The following CBLB variants were observed in gnomAD, a reference collection of about 807,000 sequenced individuals.
CBLB encodes the protein E3 ubiquitin-protein ligase CBL-B.
In CBLB, 31 loss-of-function variants were observed where a neutral mutation model predicts 104.9. That is an observed-to-expected ratio of 0.30 (90% CI 0.22 to 0.40). The LOEUF is 0.40. Ranked by LOEUF, CBLB falls within the 10% of genes least tolerant of loss-of-function variation. The pLI is 1.00. For synonymous variants in CBLB, 440 were observed against 422.6 expected (o/e 1.04, Z -0.51); for missense variants, 1,062 against 1,214.6 (o/e 0.87, Z 1.87).
chr3:105,790,595 G>A (rs556128927), intron 3 of CBLB, among the ~76,000 whole-genome samples: 6 of 152,254 alleles, frequency 3.9e-5, no homozygotes, highest in East Asian at 3.9e-4. Context: ...TCTGGGAGTC[G>A]ACAGTCTAGT....
chr3:105,798,752 T>G (rs1354609054), intron 3 of CBLB, among the ~76,000 whole-genome samples: 2 of 152,212 alleles, frequency 1.3e-5, no homozygotes, highest in Non-Finnish European at 2.9e-5. Flanking sequence ...CCTTTGCTGC[T>G]TATTTTGAGT....
intron 4 of CBLB, among the ~76,000 whole-genome samples, chr3:105,754,660 T>G (rs1006184523): frequency 2.0e-5 from 3 of 152,172 alleles, no homozygotes; most frequent in Non-Finnish European, 4.4e-5. Flanking sequence ...AGTTGCAGGC[T>G]GAATCGCTTT....
At chr3:105,725,849 T>C (rs1475940349) in intron 9 of CBLB, among the ~76,000 whole-genome samples, 2 of 149,836 alleles carry the variant, frequency 1.3e-5, no homozygotes, top group East Asian at 3.9e-4. Context: ...TTTTATTTTA[T>C]CTTTTTTTTT....
At chr3:105,750,094 C>A (rs2076461481) in intron 5 of CBLB, among the ~76,000 whole-genome samples, 1 of 151,710 alleles carries the variant, frequency 6.6e-6, no homozygotes, top group Non-Finnish European at 1.5e-5. Flanking sequence ...TATCAGCTCA[C>A]TGCAAGCTCT....
intron 3 of CBLB, among the ~76,000 whole-genome samples, chr3:105,842,422 A>C (rs1316595858): frequency 3.3e-5 from 5 of 152,212 alleles, no homozygotes; most frequent in Non-Finnish European, 5.9e-5. Context: ...GTGTCTGTTT[A>C]TCTCTCAAAA....
At chr3:105,771,401 A>G (rs897718714) in intron 4 of CBLB, among the ~76,000 whole-genome samples, 2 of 152,186 alleles carry the variant, frequency 1.3e-5, no homozygotes, top group African/African-American at 4.8e-5. Context: ...TAAAAGCCAT[A>G]TATGTCAAAT....
chr3:105,755,076 G>A (rs1403130495), intron 4 of CBLB, among the ~76,000 whole-genome samples: 1 of 142,580 alleles, frequency 7.0e-6, no homozygotes, highest in South Asian at 2.2e-4. Context: ...TGTGCACATT[G>A]TGCAGGTTAG....
At chr3:105,736,157 G>A (rs1044151532) in intron 8 of CBLB, among the ~76,000 whole-genome samples, 4 of 151,982 alleles carry the variant, frequency 2.6e-5, no homozygotes, top group Admixed American at 6.6e-5. Context: ...TACACAAGGC[G>A]TGAACATATC....
intron 3 of CBLB, among the ~76,000 whole-genome samples, chr3:105,804,364 C>CA (rs1182068553): frequency 3.3e-5 from 5 of 150,894 alleles, no homozygotes; most frequent in African/African-American, 1.2e-4. Flanking sequence ...ACCAAAAATA[C>CA]AAAAAAACTG....
rs9657914 is a variant in CBLB at position 105,656,288 on chromosome 3, A to G, written c.*2682T>C. ...TGTATTATATGAAATGCTGACTTAA[A>G]AAAAAATTGTTACCAAATCTTGAGA... is the stretch of plus-strand genomic sequence containing the variant. On this transcript the variant is annotated 3_prime_UTR_variant, in exon 19 of 19. Coordinates refer to ENST00000394030, the MANE Select transcript of CBLB (RefSeq NM_170662.5). 53,097 of 208,548 alleles carry G rather than the reference A, an allele frequency of 0.25. 7,013 individuals are homozygous for G. The highest frequency in any genetic ancestry group is 0.27 in the Admixed American group (4,612 of 16,854). The allele number at this position is 208,548 out of a possible 1,614,324, so 12.9% of individuals were successfully genotyped here.
chr3:105,751,720 T>C (rs2076608646), intron 4 of CBLB, 102 bp from the exon 5 acceptor site: 4 of 836,334 alleles, frequency 4.8e-6, no homozygotes, highest in Non-Finnish European at 8.1e-6. Flanking sequence ...AATATAATTG[T>C]ATTTGTACTA....
rs1015162632 is a variant in CBLB at position 105,794,897 on chromosome 3, C to A, written c.420-18355G>T. Among the ~76,000 whole-genome samples, 6 of 152,002 alleles carry A rather than the reference C, an allele frequency of 3.9e-5. No individual in the cohort carries two copies. The East Asian group carries it at 1.2e-3, about 29-fold the overall frequency. ...TATGCACCAAAAGACATGCACAGAA[C>A]CTTCTTTTGAATAATGGCAACTTTT... On this transcript the variant is annotated intron_variant, in intron 3 of 18. Transcript: ENST00000394030.
In CBLB at chr3:105,853,500, A is replaced by G. The variant is rs912000873; in HGVS notation, c.333T>C (p.Ile111=). Residue 111 remains isoleucine (I), a synonymous_variant, in exon 3 of 19, where the codon ATT becomes ATC. Transcript: ENST00000394030. ...GTTTTGACTTTTTCATAAGGCTATCAATGTAGATTTTAAAGTACTCATTCT... is the reference window on the plus strand; with the variant it reads ...GTTTTGACTTTTTCATAAGGCTATCGATGTAGATTTTAAAGTACTCATTCT... The part of the protein sequence containing the change: ...LSENEYFKIY[I]DSLMKKSKRA... 1 of 1,613,310 alleles carries G rather than the reference A, an allele frequency of 6.2e-7. No homozygotes were observed. Among genetic ancestry groups the G allele is most frequent in the African/African-American group, 1.3e-5 (1 of 74,864 alleles).
At chr3:105,837,811 A>T (rs2088800827) in intron 3 of CBLB, among the ~76,000 whole-genome samples, 1 of 152,140 alleles carries the variant, frequency 6.6e-6, no homozygotes, top group Non-Finnish European at 1.5e-5. Flanking sequence ...CCCAAATGTG[A>T]AGAAGCTGAC....
chr3:105,752,962 A>T (rs888073231), intron 4 of CBLB, among the ~76,000 whole-genome samples: 1 of 152,228 alleles, frequency 6.6e-6, no homozygotes, highest in African/African-American at 2.4e-5. Context: ...CTGTTGGGGA[A>T]ATACAATTAT....
At chr3:105,751,672 T>A in intron 4 of CBLB, 54 bp from the exon 5 acceptor site, 3 of 1,387,690 alleles carry the variant, frequency 2.2e-6, no homozygotes, top group Non-Finnish European at 3.1e-6. Flanking sequence ...ATTTAAGAAA[T>A]ACCTCCCTTT....
chr3:105,790,053 A>G (rs1208715470), intron 3 of CBLB, among the ~76,000 whole-genome samples: 2 of 152,230 alleles, frequency 1.3e-5, no homozygotes, highest in African/African-American at 2.4e-5. Context: ...GCTATACCCA[A>G]GACTTGCAGG....
At chr3:105,825,550 C>A (rs537017006) in intron 3 of CBLB, among the ~76,000 whole-genome samples, 1 of 152,266 alleles carries the variant, frequency 6.6e-6, no homozygotes, top group East Asian at 1.9e-4. Context: ...ACAGCAGTGC[C>A]AGGACAGAGT....
At chr3:105,818,354 T>TA (rs1351788253) in intron 3 of CBLB, among the ~76,000 whole-genome samples, 1 of 152,122 alleles carries the variant, frequency 6.6e-6, no homozygotes, top group African/African-American at 2.4e-5. Flanking sequence ...GCTTGAGACA[T>TA]AAAATCTCCA....
Sources: allele counts gnomAD v4.1 joint callset (sites outside exome capture counted in the v4.1 genomes callset), GRCh38; gene constraint gnomAD v4.1.1; transcripts MANE v1.5; gene names NCBI Gene and HGNC (gene_info 2026-07-23, HGNC 2026-07-21).